MYLK: variants seen among roughly 807,000 people sequenced by gnomAD.
MYLK encodes the protein myosin light chain kinase, also known as myosin light chain kinase, smooth muscle.
In MYLK, 106 loss-of-function variants were observed where a neutral mutation model predicts 203.4. The ratio of observed to expected loss-of-function variants is 0.52; its 90% CI spans 0.45 to 0.61. The LOEUF (loss-of-function observed/expected upper bound fraction) is 0.61. Ranked by LOEUF, MYLK falls within the 20% of genes least tolerant of loss-of-function variation. The pLI is 0.00. For missense variants in MYLK, 2,072 were observed against 2,442.3 expected (o/e 0.85, Z 3.20); for synonymous variants, 867 against 959.5 (o/e 0.90, Z 1.78).
intron 20 of MYLK, among the ~76,000 whole-genome samples, chr3:123,675,995 T>C (rs1192084036): frequency 2.0e-5 from 3 of 152,226 alleles, no homozygotes; most frequent in African/African-American, 7.2e-5. Context: ...CATAAGGAGA[T>C]TGCAAAGAAA....
Position 123,739,988 on chromosome 3 carries a change from C to T in MYLK, c.387G>A (p.Lys129=), listed in dbSNP as rs767538834. ...VELTVEGSFA[K]QLGQPVVSKT... Reference sequence around the variant, plus strand: ...TGGAAACAACAGGCTGACCAAGCTGCTTCGCAAAACTTCCTGCAAGAAAAA... The same window carrying T: ...TGGAAACAACAGGCTGACCAAGCTGTTTCGCAAAACTTCCTGCAAGAAAAA... The change falls in exon 6 of 34, where the codon AAG becomes AAA. Residue 129 remains lysine, a synonymous_variant. Coordinates refer to ENST00000360304, the MANE Select transcript of MYLK (RefSeq NM_053025.4). 9 of 1,613,938 alleles carry T rather than the reference C, an allele frequency of 5.6e-6. No homozygotes were observed. Among genetic ancestry groups the T allele is most frequent in the Non-Finnish European group, 7.6e-6 (9 of 1,179,828 alleles).
intron 3 of MYLK, among the ~76,000 whole-genome samples, chr3:123,809,926 G>A (rs1304432595): frequency 1.3e-5 from 2 of 152,098 alleles, no homozygotes; most frequent in African/African-American, 4.8e-5. Context: ...AACTTCTTAG[G>A]CCACTGTTGT....
intron 20 of MYLK, chr3:123,681,286 G>A (rs2060255083): frequency 6.6e-6 from 1 of 152,184 alleles, no homozygotes; most frequent in Admixed American, 6.5e-5. Context: ...AGCTGCCTAT[G>A]GTCACGGAGA....
chr3:123,707,490 A>G (rs974020147), intron 16 of MYLK, among the ~76,000 whole-genome samples: 2 of 152,200 alleles, frequency 1.3e-5, no homozygotes, highest in African/African-American at 4.8e-5. Context: ...CATACTCACC[A>G]TACACCACAT....
intron 3 of MYLK, among the ~76,000 whole-genome samples, chr3:123,814,656 T>A (rs2065680827): frequency 6.6e-6 from 1 of 152,250 alleles, no homozygotes; most frequent in Non-Finnish European, 1.5e-5. Flanking sequence ...TTCATAAATC[T>A]TATTTTCAGT....
chr3:123,666,077 T>C (rs1035550284), intron 22 of MYLK, 142 bp downstream of exon 22: 4 of 1,300,990 alleles, frequency 3.1e-6, no homozygotes, highest in African/African-American at 2.9e-5. Flanking sequence ...AGGTGAGCGA[T>C]GGGTAGGGGA....
At chr3:123,791,460 A>G (rs2064779454) in intron 4 of MYLK, among the ~76,000 whole-genome samples, 1 of 152,164 alleles carries the variant, frequency 6.6e-6, no homozygotes, top group Non-Finnish European at 1.5e-5. Context: ...TCCTACACTA[A>G]CAATACACAC....
intron 3 of MYLK, among the ~76,000 whole-genome samples, chr3:123,811,841 T>G (rs1046471414): frequency 1.3e-5 from 2 of 152,204 alleles, no homozygotes; most frequent in African/African-American, 4.8e-5. Context: ...CAGGTGTGAT[T>G]GATTAGGCCA....
chr3:123,717,034 AT>A (rs2061920494), intron 13 of MYLK, among the ~76,000 whole-genome samples: 1 of 152,246 alleles, frequency 6.6e-6, no homozygotes, highest in Admixed American at 6.5e-5. Flanking sequence ...GATGTTTTGA[AT>A]AAACTAAGCT....
chr3:123,875,090 A>AT (rs1280351908), intron 2 of MYLK, among the ~76,000 whole-genome samples: 2 of 152,144 alleles, frequency 1.3e-5, no homozygotes, highest in African/African-American at 2.4e-5. Context: ...TACATTTACC[A>AT]TACCTCCCAG....
intron 6 of MYLK, among the ~76,000 whole-genome samples, chr3:123,739,481 G>A (rs968607371): frequency 6.6e-6 from 1 of 152,230 alleles, no homozygotes; most frequent in African/African-American, 2.4e-5. Context: ...CAAGGGCCTA[G>A]GAGATGAAAC....
rs905723062 is a variant in MYLK at position 123,629,086 on chromosome 3, T to C, written c.5114+388A>G. ...TGCCCGTGTCCTCTGCTCTTGCTTG[T>C]TGAGAGGGTCCTTCCCCTGCAGCCC... is the stretch of plus-strand genomic sequence containing the variant. On this transcript the variant is annotated intron_variant, in intron 30 of 33. Transcript: ENST00000360304. This position sits in a 1 kb window ranked among gnomAD's most constrained non-coding sequence, Gnocchi z 4.4. 9.2e-5 allele frequency among the ~76,000 whole-genome samples: 14 copies of C among 152,086 alleles called. No individual in the cohort carries two copies. The highest frequency in any genetic ancestry group is 2.9e-5 in the Non-Finnish European group (2 of 68,000).
chr3:123,616,507 C>T (rs2057501628), intron 33 of MYLK: 1 of 152,056 alleles, frequency 6.6e-6, no homozygotes, highest in South Asian at 2.1e-4. Context: ...ATATATTCCA[C>T]CTGACTTTCT....
intron 3 of MYLK, among the ~76,000 whole-genome samples, chr3:123,801,076 T>A (rs980065713): frequency 2.0e-5 from 3 of 152,254 alleles, no homozygotes; most frequent in African/African-American, 7.2e-5. Flanking sequence ...GAGTTGCTCC[T>A]TTTTGCAAAT....
intron 3 of MYLK, among the ~76,000 whole-genome samples, chr3:123,827,749 A>ATTTATAT (rs1560269124): frequency 9.7e-6 from 1 of 103,560 alleles, no homozygotes; most frequent in Non-Finnish European, 2.0e-5. Context: ...ATATATATAT[A>ATTTATAT]AAGACTCTAC....
intron 24 of MYLK, among the ~76,000 whole-genome samples, chr3:123,653,537 A>G (rs1255152679): frequency 1.3e-5 from 2 of 152,046 alleles, no homozygotes; most frequent in Non-Finnish European, 2.9e-5. Flanking sequence ...AGTGATTTCA[A>G]CATTGCCCTT....
At chr3:123,867,879 C>T (rs2032446169) in intron 2 of MYLK, among the ~76,000 whole-genome samples, 1 of 152,200 alleles carries the variant, frequency 6.6e-6, no homozygotes, top group African/African-American at 2.4e-5. Flanking sequence ...TCCCCCAACA[C>T]CACTCCTTCT....
chr3:123,822,245 G>T lies in MYLK; in HGVS notation c.-4+9303C>A, dbSNP rs2065962270. 2.0e-5 allele frequency among the ~76,000 whole-genome samples: 3 copies of T among 152,066 alleles called. No homozygotes were observed. The South Asian group carries it at 6.2e-4, about 32-fold the overall frequency. On this transcript the variant is annotated intron_variant, in intron 3 of 33. Transcript: ENST00000360304. ...AGCAGCATAAAATAGGCTAAGACAG[G>T]GTCTTCAGGCTATTCCAACACAGAT...
rs571744275 is a variant in MYLK, at chr3:123,700,840, G to A, written c.2628C>T (p.Arg876=). Residue 876 remains arginine, a synonymous_variant, in exon 18 of 34, where the codon CGC becomes CGT. Transcript: ENST00000360304. The part of the protein sequence containing the change: ...GEDVRGVLKR[R]VETRQHTEEA... Reference sequence around the variant, plus strand: ...CCTCAGTGTGCTGCCTCGTCTCCACGCGCCTCTTCAGCACCCCTCGCACGT... The same window carrying A: ...CCTCAGTGTGCTGCCTCGTCTCCACACGCCTCTTCAGCACCCCTCGCACGT... 4.6e-4 allele frequency: 745 copies of A among 1,613,944 alleles called. 4 individuals are homozygous for A. In the South Asian group the frequency reaches 7.5e-3, roughly 16 times the overall value.
Sources: gnomAD v4.1 joint callset for allele counts (sites outside exome capture counted in the v4.1 genomes callset) on GRCh38, gnomAD v4.1.1 for gene constraint, Gnocchi (gnomAD v3.1) non-coding constraint, MANE v1.5 for transcripts, NCBI Gene and HGNC (gene_info 2026-07-23, HGNC 2026-07-21) for gene names.